Variants in ASTN2 observed in about 807,000 individuals in gnomAD.
ASTN2 encodes astrotactin-2.
Under a neutral mutation model 139.8 loss-of-function variants are expected in ASTN2, and 54 were observed. The observed-to-expected ratio is 0.39, with a 90% confidence interval of 0.31 to 0.48. ASTN2 has a LOEUF of 0.48. ASTN2 is among the 20% of genes least tolerant of loss of function. The pLI is 0.95. For synonymous variants in ASTN2, 756 were observed against 719.5 expected (o/e 1.05, Z -0.81); for missense variants, 1,565 against 1,725.1 (o/e 0.91, Z 1.64).
At chr9:116,633,370 T>A (rs1290475147) in intron 17 of ASTN2, among the ~76,000 whole-genome samples, 1 of 152,178 alleles carries the variant, frequency 6.6e-6, no homozygotes, top group East Asian at 1.9e-4. Flanking sequence ...AAGGCGTTGC[T>A]CCTGGACTGC....
At chr9:116,894,369 C>A (rs1270570817) in intron 10 of ASTN2, among the ~76,000 whole-genome samples, 1 of 152,074 alleles carries the variant, frequency 6.6e-6, no homozygotes, top group Non-Finnish European at 1.5e-5. Context: ...AGAAAAATAG[C>A]CAAATGACAG....
Position 117,170,775 on chromosome 9 carries a change from A to AT in ASTN2, c.1016-29298dup, listed in dbSNP as rs201405785. ...CAGGCTTGGCCGTATCCCATTTCTC[A>AT]TTTTAGTCTTCAGAAAAGAGGCAGG... On this transcript the variant is annotated intron_variant, in intron 3 of 22. Transcript: ENST00000313400. Among the ~76,000 whole-genome samples the AT allele has an allele frequency of 3.6e-4, 55 of 152,228 alleles. No homozygotes were observed. The East Asian group carries it at 9.7e-3, about 27-fold the overall frequency.
At chr9:117,326,745 G>A (rs1828532166) in intron 1 of ASTN2, among the ~76,000 whole-genome samples, 1 of 151,830 alleles carries the variant, frequency 6.6e-6, no homozygotes, top group Admixed American at 6.5e-5. Flanking sequence ...GGGTGATGAA[G>A]TGTTCCAAGT....
At chr9:117,262,528 C>G (rs1250751920) in intron 2 of ASTN2, among the ~76,000 whole-genome samples, 1 of 151,954 alleles carries the variant, frequency 6.6e-6, no homozygotes, top group Non-Finnish European at 1.5e-5. Context: ...TAGTCTAGAT[C>G]TGGCTGGCCT....
chr9:116,986,229 T>A (rs989875381), intron 7 of ASTN2, among the ~76,000 whole-genome samples: 1 of 138,964 alleles, frequency 7.2e-6, no homozygotes, highest in African/African-American at 2.7e-5. Flanking sequence ...GGGCTGCAGC[T>A]GCCCTTCCAG....
chr9:116,713,886 A>G (rs533869052), intron 16 of ASTN2, among the ~76,000 whole-genome samples: 10 of 152,234 alleles, frequency 6.6e-5, no homozygotes, highest in African/African-American at 2.4e-4. Flanking sequence ...TGGCATAAGG[A>G]CTTGGAAGTC....
Position 117,335,120 on chromosome 9 carries a change from A to T in ASTN2, c.443-43607T>A, listed in dbSNP as rs1367814300. Among the ~76,000 whole-genome samples, 3 of 152,008 alleles carry T rather than the reference A, an allele frequency of 2.0e-5. No homozygotes were observed. The East Asian group carries it at 5.8e-4, about 29-fold the overall frequency. On this transcript the variant is annotated intron_variant, in intron 1 of 22. Coordinates refer to ENST00000313400, the MANE Select transcript of ASTN2 (RefSeq NM_001365068.1). Reference sequence around the variant, plus strand: ...TTCTACCTTGCACCCCCAGGGGCTCACTCCATTGCTTTATTTTATTCATAG... The same window carrying T: ...TTCTACCTTGCACCCCCAGGGGCTCTCTCCATTGCTTTATTTTATTCATAG...
At chr9:116,887,672 G>A (rs1833650080) in intron 10 of ASTN2, among the ~76,000 whole-genome samples, 1 of 152,046 alleles carries the variant, frequency 6.6e-6, no homozygotes, top group Non-Finnish European at 1.5e-5. Context: ...TATTGTTGTT[G>A]TTTCGATTTT....
At position 116,698,790 on chromosome 9, in the gene ASTN2, T is replaced by C; in HGVS notation, c.2806+26981A>G. The C allele has an allele frequency of 2.5e-6, 4 of 1,614,108 alleles. No homozygotes were observed. Among genetic ancestry groups the C allele is most frequent in the Non-Finnish European group, 3.4e-6 (4 of 1,180,018 alleles). ...TAAACAGCGGGGTCCTGAGGCAGCC[T>C]CCAATATCCAGCAGTGCCTCTTTCT... On this transcript the variant is annotated intron_variant, in intron 16 of 22. Transcript: ENST00000313400. This position sits in a 1 kb window ranked among gnomAD's most constrained non-coding sequence, Gnocchi z 4.4.
chr9:116,448,367 T>A (rs1848071316), intron 20 of ASTN2, among the ~76,000 whole-genome samples: 1 of 149,234 alleles, frequency 6.7e-6, no homozygotes, highest in Non-Finnish European at 1.5e-5. Context: ...CAGCTTAAGC[T>A]TTGGGTCTGG....
intron 20 of ASTN2, among the ~76,000 whole-genome samples, chr9:116,445,824 G>A (rs1190001127): frequency 6.6e-6 from 1 of 152,162 alleles, no homozygotes; most frequent in Non-Finnish European, 1.5e-5. Context: ...TCCCTAAAAG[G>A]TAGCTTCTAT....
At chr9:116,588,093 T>C (rs1854231694) in intron 19 of ASTN2, among the ~76,000 whole-genome samples, 1 of 152,074 alleles carries the variant, frequency 6.6e-6, no homozygotes, top group South Asian at 2.1e-4. Flanking sequence ...CCCAGAAACC[T>C]GAGCCAGCTG....
intron 19 of ASTN2, among the ~76,000 whole-genome samples, chr9:116,562,459 GGGCAC>G (rs1208053099): frequency 2.0e-5 from 3 of 152,092 alleles, no homozygotes; most frequent in Middle Eastern, 3.4e-3. Context: ...TTCTTGGGCT[GGGCAC>G]GGTGGCTCAC....
At chr9:117,239,584 AC>A (rs1833147486) in intron 2 of ASTN2, among the ~76,000 whole-genome samples, 1 of 152,046 alleles carries the variant, frequency 6.6e-6, no homozygotes, top group East Asian at 1.9e-4. Flanking sequence ...TCAAGGGATA[AC>A]CCCCCTCCAT....
rs527413596 is a variant in ASTN2 at position 116,785,492 on chromosome 9, T to C, written c.2396+20140A>G. On this transcript the variant is annotated intron_variant, in intron 13 of 22. Coordinates refer to ENST00000313400, the MANE Select transcript of ASTN2 (RefSeq NM_001365068.1). ...GAGTGCCTGGGGTTCCATCACACTA[T>C]GGTCTACTTGTATAAATGATTGCAA... Among the ~76,000 whole-genome samples the C allele has an allele frequency of 3.9e-5, 6 of 152,312 alleles. No homozygotes were observed. The South Asian group carries it at 1.2e-3, about 32-fold the overall frequency.
At chr9:117,217,372 T>C (rs1832359192) in intron 2 of ASTN2, among the ~76,000 whole-genome samples, 1 of 152,132 alleles carries the variant, frequency 6.6e-6, no homozygotes, top group Non-Finnish European at 1.5e-5. Flanking sequence ...TCCCACTCAG[T>C]ATATCCCGAT....
At chr9:117,167,228 A>G (rs1381237208) in intron 3 of ASTN2, among the ~76,000 whole-genome samples, 1 of 152,100 alleles carries the variant, frequency 6.6e-6, no homozygotes, top group African/African-American at 2.4e-5. Flanking sequence ...TCATCAGTTT[A>G]TCTATCTATC....
chr9:116,847,020 A>ACC (rs745981927), intron 11 of ASTN2, among the ~76,000 whole-genome samples: 1 of 134,916 alleles, frequency 7.4e-6, no homozygotes, highest in East Asian at 2.2e-4. Flanking sequence ...AAAAAAAAAA[A>ACC]AAAAAACAAA....
chr9:116,745,383 C>A (rs537744323), intron 13 of ASTN2, among the ~76,000 whole-genome samples: 1 of 152,300 alleles, frequency 6.6e-6, no homozygotes, highest in South Asian at 2.1e-4. Context: ...GCCTCCTCTG[C>A]GCTCTCTCGT....
Sources: gnomAD v4.1 joint callset for allele counts (sites outside exome capture counted in the v4.1 genomes callset) on GRCh38, gnomAD v4.1.1 for gene constraint, Gnocchi (gnomAD v3.1) non-coding constraint, MANE v1.5 for transcripts, NCBI Gene and HGNC (gene_info 2026-07-23, HGNC 2026-07-21) for gene names.